Variants in USH2A observed in about 807,000 individuals in gnomAD.
The protein encoded by USH2A is usherin.
In USH2A, 443 loss-of-function variants were observed where a neutral mutation model predicts 538.9. The observed-to-expected ratio is 0.82, with a 90% CI of 0.76 to 0.89. USH2A has a LOEUF of 0.89. USH2A is among the 40% of genes least tolerant of loss of function. The pLI is 0.00. For synonymous variants in USH2A, 2,413 were observed against 2,273.5 expected (o/e 1.06, Z -1.75); for missense variants, 6,633 against 6,324.8 (o/e 1.05, Z -1.65).
chr1:215,743,471 TATATATAAATAAAACA>T (rs1266908157), intron 58 of USH2A, 136 bp from the exon 59 acceptor site: 6 of 263,970 alleles, frequency 2.3e-5, no homozygotes, highest in African/African-American at 1.4e-4. Context: ...GACACACATA[TATATATAAATAAAACA>T]GAATGGGCAA....
intron 47 of USH2A, among the ~76,000 whole-genome samples, chr1:215,828,212 G>T (rs1245465327): frequency 1.3e-5 from 2 of 152,116 alleles, no homozygotes; most frequent in Non-Finnish European, 2.9e-5. Flanking sequence ...CAATTTAGGA[G>T]GCCAAGGCGG....
intron 3 of USH2A, among the ~76,000 whole-genome samples, chr1:216,413,312 C>T (rs1357215980): frequency 6.6e-6 from 1 of 151,904 alleles, no homozygotes; most frequent in Non-Finnish European, 1.5e-5. Context: ...TATGACAATT[C>T]TATGCCATAA....
intron 32 of USH2A, among the ~76,000 whole-genome samples, chr1:216,024,844 C>T (rs1004313083): frequency 6.6e-6 from 1 of 151,932 alleles, no homozygotes; most frequent in Non-Finnish European, 1.5e-5. Flanking sequence ...TTTTATCTGA[C>T]ATAGGTTTTA....
At chr1:215,774,875 A>C (rs1246150007) in intron 55 of USH2A, among the ~76,000 whole-genome samples, 1 of 152,090 alleles carries the variant, frequency 6.6e-6, no homozygotes, top group Non-Finnish European at 1.5e-5. Context: ...TTTAAAACAC[A>C]AAAAAGTGGT....
chr1:215,710,999 A>T (rs1286128840), intron 61 of USH2A, among the ~76,000 whole-genome samples: 1 of 151,852 alleles, frequency 6.6e-6, no homozygotes, highest in East Asian at 1.9e-4. Context: ...CTGCTGCTTC[A>T]GTTTAACATC....
intron 38 of USH2A, among the ~76,000 whole-genome samples, chr1:215,918,466 A>C (rs1666015811): frequency 6.6e-6 from 1 of 152,104 alleles, no homozygotes; most frequent in South Asian, 2.1e-4. Flanking sequence ...ATGACTGTCT[A>C]TGAAGAAGAG....
At chr1:215,711,625 T>C (rs1453060184) in intron 61 of USH2A, among the ~76,000 whole-genome samples, 1 of 152,172 alleles carries the variant, frequency 6.6e-6, no homozygotes, top group Non-Finnish European at 1.5e-5. Flanking sequence ...TTATGTATCA[T>C]TTTTTATTTT....
rs72733350 is a variant in USH2A, at chr1:216,309,659, T to G, written c.1644+12224A>C. On this transcript the variant is annotated intron_variant, in intron 9 of 71. Transcript: ENST00000307340. The stretch of plus-strand genomic sequence containing the variant: ...AGGAAAGATTCTGGTTTCTTATCCT[T>G]AAGTATGATGTTCACTCTAGGTTTT... 5.1e-3 allele frequency among the ~76,000 whole-genome samples: 775 copies of G among 152,268 alleles called. 5 individuals carry two copies. The highest frequency in any genetic ancestry group is 7.8e-3 in the Non-Finnish European group (531 of 67,970).
intron 44 of USH2A, among the ~76,000 whole-genome samples, chr1:215,862,293 T>G (rs2102436053): frequency 6.6e-6 from 1 of 152,222 alleles, no homozygotes; most frequent in Admixed American, 6.5e-5. Context: ...AAACCATCAT[T>G]CTCAGCAAAC....
chr1:215,730,540 C>T (rs1659964242), intron 60 of USH2A, among the ~76,000 whole-genome samples: 1 of 152,206 alleles, frequency 6.6e-6, no homozygotes, highest in Admixed American at 6.5e-5. Context: ...ACACACTCTT[C>T]AGATGCTGAA....
chr1:215,732,485 TCTG>T (rs1402231270), intron 60 of USH2A, among the ~76,000 whole-genome samples: 4 of 151,748 alleles, frequency 2.6e-5, no homozygotes, highest in Non-Finnish European at 5.9e-5. Flanking sequence ...GGCTTTGGTA[TCTG>T]CTAATTCTCT....
intron 4 of USH2A, among the ~76,000 whole-genome samples, chr1:216,350,490 A>G (rs1330467324): frequency 6.6e-6 from 1 of 152,162 alleles, no homozygotes; most frequent in Admixed American, 6.5e-5. Context: ...ACAAGCATTG[A>G]GTAAATATTT....
At chr1:215,909,918 T>G (rs1359710920) in intron 38 of USH2A, among the ~76,000 whole-genome samples, 1 of 151,824 alleles carries the variant, frequency 6.6e-6, no homozygotes, top group African/African-American at 2.4e-5. Flanking sequence ...ACACTTGGTG[T>G]AGGAAGAAAA....
intron 27 of USH2A, among the ~76,000 whole-genome samples, chr1:216,076,296 A>C (rs2031747181): frequency 6.6e-6 from 1 of 152,206 alleles, no homozygotes; most frequent in African/African-American, 2.4e-5. Flanking sequence ...TACTACAGTA[A>C]TAAAAATTTA....
At chr1:215,635,797 G>T (rs1437987838) in intron 69 of USH2A, among the ~76,000 whole-genome samples, 1 of 152,038 alleles carries the variant, frequency 6.6e-6, no homozygotes, top group Non-Finnish European at 1.5e-5. Flanking sequence ...CTCATGATCC[G>T]CCTGCCTCGG....
At chr1:216,201,636 T>TA (rs1352820731) in intron 16 of USH2A, 1 of 169,422 alleles carries the variant, frequency 5.9e-6, no homozygotes, top group Non-Finnish European at 1.3e-5. Context: ...CTACAGCTCC[T>TA]ACAGAGCACT....
intron 11 of USH2A, among the ~76,000 whole-genome samples, chr1:216,284,985 C>T (rs2036853642): frequency 6.6e-6 from 1 of 152,072 alleles, no homozygotes; most frequent in South Asian, 2.1e-4. Context: ...GAAGAAATGT[C>T]TAAGTAGTAA....
At chr1:216,260,836 TC>T (rs1352639668) in intron 11 of USH2A, among the ~76,000 whole-genome samples, 1 of 152,054 alleles carries the variant, frequency 6.6e-6, no homozygotes, top group African/African-American at 2.4e-5. Context: ...ACACTGCCTC[TC>T]CCCTTTACCA....
chr1:215,897,493 C>T (rs1665378459), intron 40 of USH2A, among the ~76,000 whole-genome samples: 1 of 152,094 alleles, frequency 6.6e-6, no homozygotes, highest in South Asian at 2.1e-4. Flanking sequence ...TCGAGACCAG[C>T]CTGGCCAACA....
Sources: allele counts gnomAD v4.1 joint callset (sites outside exome capture counted in the v4.1 genomes callset), GRCh38; gene constraint gnomAD v4.1.1; transcripts MANE v1.5; gene names NCBI Gene and HGNC (gene_info 2026-07-23, HGNC 2026-07-21).